RCC1: variants seen among roughly 807,000 people sequenced by gnomAD.
RCC1 encodes the protein regulator of chromosome condensation 1.
A neutral mutation model predicts 44.4 loss-of-function variants in RCC1; 11 were observed. That is an observed-to-expected ratio of 0.25 (90% CI 0.16 to 0.41). The LOEUF (loss-of-function observed/expected upper bound fraction) is 0.41. Among genes scored for constraint, RCC1 ranks in the 10% least tolerant of loss-of-function variants. The pLI is 1.00. For missense variants in RCC1, 386 were observed against 547.1 expected, an observed-to-expected ratio of 0.71 and a Z score of 2.94; for synonymous variants, 213 against 216.5, an observed-to-expected ratio of 0.98 and a Z score of 0.14.
chr1:28,529,914 C>T lies in RCC1; in HGVS notation c.48C>T (p.Ala16=), dbSNP rs770599748. 61 of 1,613,886 alleles carry T rather than the reference C, an allele frequency of 3.8e-5. No individual in the cohort carries two copies. The Admixed American group carries it at 1.0e-3, about 27-fold the overall frequency. ...IAKRRSPPAD[A]IPKSKKVKVS... ...AAAGAAGGTCCCCCCCAGCAGATGCCATCCCCAAAAGCAAGAAGGTGAAGG... is the reference window on the plus strand; with the variant it reads ...AAAGAAGGTCCCCCCCAGCAGATGCTATCCCCAAAAGCAAGAAGGTGAAGG... Residue 16 remains alanine (A), a synonymous_variant, in exon 5 of 13, where the codon GCC becomes GCT. Coordinates refer to ENST00000683442, the MANE Select transcript of RCC1 (RefSeq NM_001381865.2).
At chr1:28,512,188 C>CA (rs1222648631) in intron 3 of RCC1, among the ~76,000 whole-genome samples, 1 of 72,386 alleles carries the variant, frequency 1.4e-5, no homozygotes, top group Non-Finnish European at 2.7e-5. Context: ...CCATGTTGGC[C>CA]AGGCTGGTCT....
At chr1:28,511,398 TTTTTG>T (rs1662527225) in intron 3 of RCC1, among the ~76,000 whole-genome samples, 1 of 131,592 alleles carries the variant, frequency 7.6e-6, no homozygotes, top group Non-Finnish European at 1.5e-5. Context: ...AATTTTTTGT[TTTTTG>T]TTTTTTTTTT....
Position 28,531,822 on chromosome 1 carries a change from C to T in RCC1, c.93C>T (p.Ser31=). ...CTTCAGTCTCACACAGGTCCCACAG[C>T]ACAGAACCCGGCTTGGTGCTGACAC... ...KKVKVSHRSH[S]TEPGLVLTLG... Residue 31 remains serine (S), a synonymous_variant, in exon 6 of 13, where the codon AGC becomes AGT. Transcript: ENST00000683442. 1 of 1,557,490 alleles carries T rather than the reference C, an allele frequency of 6.4e-7. No homozygotes were observed. Among genetic ancestry groups the T allele is most frequent in the Non-Finnish European group, 8.6e-7 (1 of 1,156,394 alleles).
At chr1:28,534,978 A>T in intron 7 of RCC1, 72 bp from the exon 8 acceptor site, 1 of 1,188,202 alleles carries the variant, frequency 8.4e-7, no homozygotes, top group Non-Finnish European at 1.3e-6. Flanking sequence ...ATCTGGTGCC[A>T]CTGCCCTTCT....
At chr1:28,523,484 C>T (rs1663433644) in intron 4 of RCC1, among the ~76,000 whole-genome samples, 1 of 152,144 alleles carries the variant, frequency 6.6e-6, no homozygotes, top group Admixed American at 6.6e-5. Context: ...TAGTGAAACG[C>T]TCCAGAATAT....
intron 1 of RCC1, chr1:28,507,398 C>A (rs759098971): frequency 3.9e-6 from 2 of 519,076 alleles, no homozygotes. Context: ...GTCACTCTCC[C>A]CGGGCTCTGT....
chr1:28,532,455 G>A, intron 7 of RCC1, 105 bp downstream of exon 7: 1 of 1,283,286 alleles, frequency 7.8e-7, no homozygotes, highest in Non-Finnish European at 1.1e-6. Context: ...TACTGGTGGG[G>A]AGATGAAAGC....
intron 1 of RCC1, 186 bp downstream of exon 1, chr1:28,506,270 C>T: frequency 2.2e-6 from 1 of 445,344 alleles, no homozygotes; most frequent in South Asian, 1.6e-5. Context: ...TTGCAACCTC[C>T]GCCTGCCGGG....
Position 28,538,758 on chromosome 1 carries a change from A to G in RCC1, c.*751A>G, listed in dbSNP as rs761138157. 8 of 149,922 alleles carry G rather than the reference A, an allele frequency of 5.3e-5. No homozygotes were observed. The highest frequency in any genetic ancestry group is 7.6e-5 in the African/African-American group (3 of 39,354). 9.3% of individuals were successfully genotyped at this position (149,922 alleles called of 1,614,324 possible). A position where few individuals can be genotyped will look rare whatever the true frequency, so the allele number is the denominator to read the frequency against. ...GAGCAGAGCAGGGTATGGGGTGGGG[A>G]GAGAGGGTGGAGGGTTTTATAAACA... On this transcript the variant is annotated 3_prime_UTR_variant, in exon 13 of 13. Coordinates refer to ENST00000683442, the MANE Select transcript of RCC1 (RefSeq NM_001381865.2).
Position 28,536,616 on chromosome 1 carries a change from T to C in RCC1, c.938-131T>C. On this transcript the variant is annotated intron_variant, in intron 11 of 12. Coordinates refer to ENST00000683442, the MANE Select transcript of RCC1 (RefSeq NM_001381865.2). This position sits in a 1 kb window ranked among gnomAD's most constrained non-coding sequence, Gnocchi z 4.9. ...CTCCTCCAAAACTGGGAAGAGACACTGCAGATCTCCTTCTGATCGCTCTGG... is the reference window on the plus strand; with the variant it reads ...CTCCTCCAAAACTGGGAAGAGACACCGCAGATCTCCTTCTGATCGCTCTGG... 8.2e-7 allele frequency: 1 copy of C among 1,216,914 alleles called. No individual in the cohort carries two copies. Among genetic ancestry groups the C allele is most frequent in the South Asian group, 1.4e-5 (1 of 72,130 alleles). 75.4% of individuals were successfully genotyped at this position (1,216,914 alleles called of 1,614,324 possible).
chr1:28,511,254 T>TA (rs1340210222), intron 3 of RCC1, among the ~76,000 whole-genome samples: 2 of 151,956 alleles, frequency 1.3e-5, no homozygotes, highest in Non-Finnish European at 2.9e-5. Flanking sequence ...AACTACCTCA[T>TA]AGAGTTGTAA....
intron 4 of RCC1, chr1:28,526,396 A>G: frequency 2.3e-6 from 1 of 438,350 alleles, no homozygotes; most frequent in Non-Finnish European, 4.4e-6. Context: ...AGCACACCGA[A>G]GTCTCGAGAA....
In RCC1 at chr1:28,529,937, A is replaced by C; in HGVS notation, c.71A>C (p.Lys24Thr). 1 of 1,613,734 alleles carries C rather than the reference A, an allele frequency of 6.2e-7. No homozygotes were observed. The highest frequency in any genetic ancestry group is 1.1e-5 in the South Asian group (1 of 91,018). Residue 24 changes from lysine (K) to threonine (T), a missense_variant and splice_region_variant, in exon 5 of 13, where the codon AAG becomes ACG. By Grantham distance (78) the Lys-to-Thr change is moderately conservative. Transcript: ENST00000683442. ...ADAIPKSKKVKVSHRSHSTEP... is the reference protein window; with the variant it reads ...ADAIPKSKKVTVSHRSHSTEP... The stretch of plus-strand genomic sequence containing the variant: ...GCCATCCCCAAAAGCAAGAAGGTGA[A>C]GGGTAAGTTGGCCTTGGCCTCTTTG...
At position 28,531,785 on chromosome 1, in the gene RCC1, A is replaced by G. The variant is rs573906208; in HGVS notation, c.74-18A>G. 2.6e-5 allele frequency: 39 copies of G among 1,512,158 alleles called. No individual in the cohort carries two copies. Among genetic ancestry groups the G allele is most frequent in the Non-Finnish European group, 2.9e-5 (33 of 1,132,692 alleles). 93.7% of individuals were successfully genotyped at this position (1,512,158 alleles called of 1,614,324 possible). A position where few individuals can be genotyped will look rare whatever the true frequency, so the allele number is the denominator to read the frequency against. Reference sequence around the variant, plus strand: ...TCGTCATCCTCTACACTCAGGGTCTATCTTCTTCACCCTTCAGTCTCACAC... The same window carrying G: ...TCGTCATCCTCTACACTCAGGGTCTGTCTTCTTCACCCTTCAGTCTCACAC... On this transcript the variant is annotated intron_variant, in intron 5 of 12. Coordinates refer to ENST00000683442, the MANE Select transcript of RCC1 (RefSeq NM_001381865.2).
At chr1:28,512,459 T>C (rs191391900) in intron 3 of RCC1, among the ~76,000 whole-genome samples, 4 of 152,332 alleles carry the variant, frequency 2.6e-5, no homozygotes, top group African/African-American at 4.8e-5. Context: ...GCCTGCCATA[T>C]AGCAAGCACT....
intron 4 of RCC1, among the ~76,000 whole-genome samples, chr1:28,528,173 G>T (rs1663812484): frequency 6.6e-6 from 1 of 150,896 alleles, no homozygotes; most frequent in African/African-American, 2.4e-5. Context: ...TACAAAATTT[G>T]GGCTGGGCAC....
intron 4 of RCC1, among the ~76,000 whole-genome samples, chr1:28,518,465 G>A (rs1663040439): frequency 1.3e-5 from 2 of 150,984 alleles, no homozygotes; most frequent in Non-Finnish European, 3.0e-5. Flanking sequence ...GAGGCAGGAA[G>A]GCGCGGTGCG....
chr1:28,512,558 C>T (rs1662629349), intron 3 of RCC1, among the ~76,000 whole-genome samples: 1 of 152,062 alleles, frequency 6.6e-6, no homozygotes, highest in South Asian at 2.1e-4. Context: ...GTTTGCTCAT[C>T]TATTCCTAGT....
chr1:28,530,560 C>A, intron 5 of RCC1: 1 of 1,606,422 alleles, frequency 6.2e-7, no homozygotes, highest in Non-Finnish European at 8.5e-7. Context: ...TTCCTGGCGC[C>A]CGCTCCTGCC....
Sources: allele counts gnomAD v4.1 joint callset (sites outside exome capture counted in the v4.1 genomes callset), GRCh38; gene constraint gnomAD v4.1.1; non-coding constraint Gnocchi (gnomAD v3.1); transcripts MANE v1.5; gene names NCBI Gene and HGNC (gene_info 2026-07-23, HGNC 2026-07-21).